Variants in ENOX1 observed in about 807,000 individuals in gnomAD.
ENOX1 encodes the protein ecto-NOX disulfide-thiol exchanger 1.
Under a neutral mutation model 82.5 loss-of-function variants are expected in ENOX1, and 42 were observed. That is an observed-to-expected ratio of 0.51 (90% CI 0.40 to 0.66). The LOEUF is 0.66. Ranked by LOEUF, ENOX1 falls within the 30% of genes least tolerant of loss-of-function variation. The pLI is 0.00. For missense variants in ENOX1, 608 were observed against 811.6 expected, an observed-to-expected ratio of 0.75 and a Z score of 3.05; for synonymous variants, 271 against 282.2, an observed-to-expected ratio of 0.96 and a Z score of 0.40.
intron 2 of ENOX1, among the ~76,000 whole-genome samples, chr13:43,606,827 C>T (rs184338262): frequency 1.3e-5 from 2 of 151,840 alleles, no homozygotes; most frequent in Admixed American, 6.6e-5. Flanking sequence ...CCAGCCTGGG[C>T]CACATGGGAA....
At chr13:43,392,679 G>C (rs986665068) in intron 5 of ENOX1, among the ~76,000 whole-genome samples, 1 of 152,098 alleles carries the variant, frequency 6.6e-6, no homozygotes, top group African/African-American at 2.4e-5. Flanking sequence ...TGGGCAACAA[G>C]AGCTAAACTC....
At chr13:43,490,178 G>A (rs2076571795) in intron 2 of ENOX1, among the ~76,000 whole-genome samples, 1 of 152,156 alleles carries the variant, frequency 6.6e-6, no homozygotes, top group African/African-American at 2.4e-5. Context: ...CTGGCCTCAA[G>A]TGATACACCT....
At chr13:43,457,824 A>G (rs1238095653) in intron 3 of ENOX1, among the ~76,000 whole-genome samples, 1 of 152,158 alleles carries the variant, frequency 6.6e-6, no homozygotes, top group Non-Finnish European at 1.5e-5. Context: ...CTATCACATA[A>G]TGATTTTTCA....
intron 1 of ENOX1, among the ~76,000 whole-genome samples, chr13:43,774,830 C>T (rs2153837517): frequency 6.6e-6 from 1 of 152,282 alleles, no homozygotes; most frequent in South Asian, 2.1e-4. Context: ...ATGCCACAAG[C>T]CACAAGCAAT....
chr13:43,348,598 C>T (rs1323630553), intron 8 of ENOX1, among the ~76,000 whole-genome samples: 1 of 152,180 alleles, frequency 6.6e-6, no homozygotes, highest in Non-Finnish European at 1.5e-5. Context: ...TGAAATGTCA[C>T]GCTGTCTCAC....
chr13:43,784,869 T>A (rs1431700856), intron 1 of ENOX1, among the ~76,000 whole-genome samples: 1 of 152,254 alleles, frequency 6.6e-6, no homozygotes, highest in Non-Finnish European at 1.5e-5. Context: ...CAAAACAGCC[T>A]GAAGGAATTA....
At chr13:43,706,171 A>G (rs1026015506) in intron 1 of ENOX1, among the ~76,000 whole-genome samples, 1 of 152,064 alleles carries the variant, frequency 6.6e-6, no homozygotes, top group African/African-American at 2.4e-5. Context: ...GTAGATTTAA[A>G]AAGCTTATAT....
intron 8 of ENOX1, among the ~76,000 whole-genome samples, chr13:43,351,695 C>G (rs570643465): frequency 1.3e-5 from 2 of 148,862 alleles, no homozygotes; most frequent in African/African-American, 5.0e-5. Flanking sequence ...TTTGTTCTTG[C>G]GATAGTTTAC....
intron 2 of ENOX1, among the ~76,000 whole-genome samples, chr13:43,630,705 T>G (rs1349006727): frequency 1.3e-5 from 2 of 152,106 alleles, no homozygotes; most frequent in African/African-American, 4.8e-5. Context: ...TTACTTATAC[T>G]AGAATATTTC....
intron 14 of ENOX1, among the ~76,000 whole-genome samples, chr13:43,240,159 A>C (rs569495753): frequency 2.6e-5 from 4 of 152,208 alleles, no homozygotes; most frequent in Non-Finnish European, 4.4e-5. Context: ...TCCCTGTTGC[A>C]CTTAAGCTAA....
chr13:43,273,800 T>C (rs976963643), intron 12 of ENOX1, among the ~76,000 whole-genome samples: 2 of 152,218 alleles, frequency 1.3e-5, no homozygotes, highest in African/African-American at 4.8e-5. Context: ...AGTTCATCTA[T>C]CTTCTTGCTC....
chr13:43,410,275 G>A (rs1414072547), intron 5 of ENOX1, among the ~76,000 whole-genome samples: 2 of 152,104 alleles, frequency 1.3e-5, no homozygotes, highest in African/African-American at 4.8e-5. Flanking sequence ...GGGGAAATGT[G>A]GGTGGAAAAA....
intron 3 of ENOX1, among the ~76,000 whole-genome samples, chr13:43,448,997 G>A (rs968364453): frequency 6.6e-6 from 1 of 152,212 alleles, no homozygotes; most frequent in African/African-American, 2.4e-5. Flanking sequence ...ATTTATAAGA[G>A]TAAGAATTTT....
At chr13:43,502,853 C>T (rs1407794129) in intron 2 of ENOX1, among the ~76,000 whole-genome samples, 1 of 151,056 alleles carries the variant, frequency 6.6e-6, no homozygotes. Flanking sequence ...CTAGCCAGAG[C>T]AATCAGGCAA....
chr13:43,307,945 G>C (rs1351528913), intron 11 of ENOX1, among the ~76,000 whole-genome samples: 1 of 152,174 alleles, frequency 6.6e-6, no homozygotes, highest in East Asian at 1.9e-4. Flanking sequence ...TGGGAGAGGA[G>C]GCCCCTCCCA....
intron 1 of ENOX1, among the ~76,000 whole-genome samples, chr13:43,690,624 A>C (rs918833439): frequency 3.3e-5 from 5 of 152,204 alleles, no homozygotes; most frequent in Non-Finnish European, 5.9e-5. Flanking sequence ...GAAAGAGACC[A>C]GCCAGTGGAT....
At chr13:43,471,288 G>T (rs546099809) in intron 3 of ENOX1, among the ~76,000 whole-genome samples, 1 of 152,168 alleles carries the variant, frequency 6.6e-6, no homozygotes, top group South Asian at 2.1e-4. Flanking sequence ...GTGGGGTAGG[G>T]ATACTGGGAG....
At chr13:43,501,959 G>GT in intron 2 of ENOX1, among the ~76,000 whole-genome samples, 1 of 151,366 alleles carries the variant, frequency 6.6e-6, no homozygotes. Flanking sequence ...CAAAGAGTTG[G>GT]TTTTTTGAAA....
intron 2 of ENOX1, among the ~76,000 whole-genome samples, chr13:43,523,640 T>C (rs2077866986): frequency 6.6e-6 from 1 of 152,154 alleles, no homozygotes; most frequent in Non-Finnish European, 1.5e-5. Flanking sequence ...AAGGCAGAGT[T>C]GCTCTAGTAG....
Sources: gnomAD v4.1 joint callset for allele counts (sites outside exome capture counted in the v4.1 genomes callset) on GRCh38, gnomAD v4.1.1 for gene constraint, MANE v1.5 for transcripts, NCBI Gene and HGNC (gene_info 2026-07-23, HGNC 2026-07-21) for gene names.